SAPCD2: variants seen among roughly 807,000 people sequenced by gnomAD.
The protein encoded by SAPCD2 is suppressor APC domain-containing protein 2.
Under a neutral mutation model 37.8 loss-of-function variants are expected in SAPCD2, and 34 were observed. The ratio of observed to expected loss-of-function variants is 0.90; its 90% confidence interval spans 0.68 to 1.20. SAPCD2 has a LOEUF of 1.20. Among genes scored for constraint, SAPCD2 ranks in the 50% most tolerant of loss-of-function variants. SAPCD2 has a pLI of 0.00. For synonymous variants in SAPCD2, 275 were observed against 270.3 expected, an observed-to-expected ratio of 1.02 and a Z score of -0.17; for missense variants, 572 against 584.7, an observed-to-expected ratio of 0.98 and a Z score of 0.22.
chr9:137,069,631 C>T (rs183076436), intron 1 of SAPCD2, among the ~76,000 whole-genome samples: 1 of 152,334 alleles, frequency 6.6e-6, no homozygotes, highest in African/African-American at 2.4e-5. Flanking sequence ...CCTGCCACCC[C>T]CCGGCCCTGG....
At chr9:137,068,098 G>A (rs1174390509) in intron 1 of SAPCD2, among the ~76,000 whole-genome samples, 1 of 152,222 alleles carries the variant, frequency 6.6e-6, no homozygotes, top group Non-Finnish European at 1.5e-5. Context: ...CAGGAGTCAG[G>A]GAGTGATGCA....
rs1250859965 is a variant in SAPCD2, at chr9:137,063,554, G to T, written c.*1105C>A. The T allele has an allele frequency of 6.6e-6, 1 of 152,088 alleles. No homozygotes were observed. The highest frequency in any genetic ancestry group is 3.1e-3 in the Middle Eastern group (1 of 318). 9.4% of individuals were successfully genotyped at this position (152,088 alleles called of 1,614,324 possible). On this transcript the variant is annotated 3_prime_UTR_variant, in exon 6 of 6. Coordinates refer to ENST00000409687, the MANE Select transcript of SAPCD2 (RefSeq NM_178448.4). ...CCCACGCACTGACCCCGCATCGGGG[G>T]CCCTGGGCTGCAGAACCCATCGATG... is the stretch of plus-strand genomic sequence containing the variant.
chr9:137,066,365 G>T lies in SAPCD2; in HGVS notation c.581C>A (p.Ala194Glu). ...TGAGTCCGCCTCCAGGGCCCTGCAC[G>T]CCACTGCACCTGTTATGGAGAGGCA... ...PSSSADAGAV[A>E]CRALEADSGD... is the part of the protein sequence containing the mutation. Residue 194 changes from alanine (A) to glutamate (E), a missense_variant, in exon 2 of 6, where the codon GCG (alanine) becomes GAG (glutamate). By Grantham distance (107) the Ala-to-Glu change is moderately radical. Coordinates refer to ENST00000409687, the MANE Select transcript of SAPCD2 (RefSeq NM_178448.4). 1 of 1,602,264 alleles carries T rather than the reference G, an allele frequency of 6.2e-7. No individual in the cohort carries two copies. The highest frequency in any genetic ancestry group is 8.5e-7 in the Non-Finnish European group (1 of 1,174,810).
chr9:137,069,226 A>T (rs1001155899), intron 1 of SAPCD2, among the ~76,000 whole-genome samples: 1 of 152,236 alleles, frequency 6.6e-6, no homozygotes, highest in Non-Finnish European at 1.5e-5. Flanking sequence ...ATCACTGCCA[A>T]CTGGACCGGA....
chr9:137,067,345 C>T (rs901007355), intron 1 of SAPCD2, among the ~76,000 whole-genome samples: 1 of 151,968 alleles, frequency 6.6e-6, no homozygotes, highest in Admixed American at 6.6e-5. Context: ...GTGGCATGCA[C>T]CTGTGGTCCC....
Position 137,070,007 on chromosome 9 carries a change from T to C in SAPCD2, c.454A>G (p.Ser152Gly). The C allele has an allele frequency of 3.3e-6, 4 of 1,215,672 alleles. No individual in the cohort carries two copies. The highest frequency in any genetic ancestry group is 4.1e-6 in the Non-Finnish European group (4 of 978,002). The allele number at this position is 1,215,672 out of a possible 1,614,324, so 75.3% of individuals were successfully genotyped here. Residue 152 changes from serine (S) to glycine (G), a missense_variant, in exon 1 of 6, where the codon AGC (serine) becomes GGC (glycine). Physicochemically the swap from Ser to Gly is moderately conservative, Grantham distance 56 (BLOSUM62 0). Coordinates refer to ENST00000409687, the MANE Select transcript of SAPCD2 (RefSeq NM_178448.4). ...TGCTCCGGGCTGCGGGCGGCGGCGC[T>C]GGGACCGGCCAGAGGGGCGCGCACG... ...LGVRAPLAGP[S>G]AAARSPEQLC...
At chr9:137,067,970 C>T (rs1832574112) in intron 1 of SAPCD2, among the ~76,000 whole-genome samples, 2 of 152,020 alleles carry the variant, frequency 1.3e-5, no homozygotes, top group Non-Finnish European at 2.9e-5. Context: ...GGAGTAGGTG[C>T]ACCTCCCCAG....
Position 137,070,242 on chromosome 9 carries a change from G to A in SAPCD2, c.219C>T (p.Arg73=). The change falls in exon 1 of 6, where the codon CGC becomes CGT. Residue 73 remains arginine, a synonymous_variant. Coordinates refer to ENST00000409687, the MANE Select transcript of SAPCD2 (RefSeq NM_178448.4). ...GGTAGCCGCTGGCCGGGGCCACCTG[G>A]CGCAAGCCCTCCAGCACCCCGCGGG... ...ELPRGVLEGL[R]QVAPASGYLT... 1 of 1,420,006 alleles carries A rather than the reference G, an allele frequency of 7.0e-7. No individual in the cohort carries two copies. Among genetic ancestry groups the A allele is most frequent in the Non-Finnish European group, 9.2e-7 (1 of 1,083,700 alleles). The allele number at this position is 1,420,006 out of a possible 1,614,324, so 88.0% of individuals were successfully genotyped here.
rs746046152 is a variant in SAPCD2, at chr9:137,064,674, A to T, written c.1170T>A (p.Asp390Glu). ...ALSQQDGGPL[D>E]STFI ...CCCACAAGGACTAGATGAAGGTGGA[A>T]TCCAGAGGTCCCCCGTCCTGCTGGC... Residue 390 changes from aspartate (D) to glutamate (E), a missense_variant, in exon 6 of 6, where the codon GAT becomes GAA. Transcript: ENST00000409687. 8 of 1,598,480 alleles carry T rather than the reference A, an allele frequency of 5.0e-6. No homozygotes were observed. The highest frequency in any genetic ancestry group is 6.0e-6 in the Non-Finnish European group (7 of 1,173,954).
rs1381492377 is a variant in SAPCD2 at position 137,065,538 on chromosome 9, T to C, written c.815A>G (p.Gln272Arg). ...GGCACTCACGGCGCTGGCTCTGCTC[T>C]GGCCCAGGCGGCGCTGGCGCTCCTG... ...RVQERQRRLG[Q>R]SRASADFGAA... is the part of the protein sequence containing the mutation. Residue 272 changes from glutamine to arginine, a missense_variant, in exon 3 of 6, where the codon CAG becomes CGG. Transcript: ENST00000409687. 8 of 1,604,770 alleles carry C rather than the reference T, an allele frequency of 5.0e-6. No individual in the cohort carries two copies. The highest frequency in any genetic ancestry group is 1.1e-5 in the South Asian group (1 of 90,750).
rs1832512362 is a variant in SAPCD2 at position 137,064,479 on chromosome 9, G to A, written c.*180C>T. The A allele has an allele frequency of 4.3e-6, 3 of 691,790 alleles. No individual in the cohort carries two copies. The highest frequency in any genetic ancestry group is 2.9e-5 in the Admixed American group (1 of 34,364). 42.9% of individuals were successfully genotyped at this position (691,790 alleles called of 1,614,324 possible). ...AACGGAGTCAAGCGCTCGGTGCGGG[G>A]ACCAGCCGGGGGCAGGCCTGGGGAG... On this transcript the variant is annotated 3_prime_UTR_variant, in exon 6 of 6. Transcript: ENST00000409687.
Position 137,064,978 on chromosome 9 carries a change from G to GC in SAPCD2, c.940dup (p.Ala314GlyfsTer46), listed in dbSNP as rs1564260316. On this transcript the variant is annotated frameshift_variant and splice_region_variant, in exon 5 of 6. Transcript: ENST00000409687. LOFTEE classifies it high-confidence loss of function. Reference sequence around the variant, plus strand: ...GGGCCCGGAGGAGGACGGGGGCAGGGCCTGCGGGAGGGCAGGATTAGGCAG... The same window carrying GC: ...GGGCCCGGAGGAGGACGGGGGCAGGGCCCTGCGGGAGGGCAGGATTAGGCAG... 6.6e-7 allele frequency: 1 copy of GC among 1,511,654 alleles called. No homozygotes were observed. The highest frequency in any genetic ancestry group is 2.0e-5 in the Admixed American group (1 of 50,696). The allele number at this position is 1,511,654 out of a possible 1,614,324, so 93.6% of individuals were successfully genotyped here.
At chr9:137,066,465 C>T (rs1588564503) in intron 1 of SAPCD2, 91 bp from the exon 2 acceptor site, 1 of 989,128 alleles carries the variant, frequency 1.0e-6, no homozygotes, top group Non-Finnish European at 1.5e-6. Flanking sequence ...TCAGCCCACC[C>T]TCGAGGTCTC....
intron 1 of SAPCD2, among the ~76,000 whole-genome samples, chr9:137,069,053 G>C (rs985104975): frequency 6.6e-6 from 1 of 152,254 alleles, no homozygotes; most frequent in African/African-American, 2.4e-5. Context: ...AGGAGCCACC[G>C]GTGGGCAGGC....
In SAPCD2 at chr9:137,064,559, G is replaced by T. The variant is rs1000805957; in HGVS notation, c.*100C>A. 42 of 1,405,030 alleles carry T rather than the reference G, an allele frequency of 3.0e-5. No individual in the cohort carries two copies. The highest frequency in any genetic ancestry group is 3.9e-5 in the Non-Finnish European group (40 of 1,024,682). The allele number at this position is 1,405,030 out of a possible 1,614,324, so 87.0% of individuals were successfully genotyped here. The stretch of plus-strand genomic sequence containing the variant: ...CCACTCCGGGACTGTGCCTGGGCCT[G>T]CCGGGGGTCTCCAGCCAGAGAGGGT... On this transcript the variant is annotated 3_prime_UTR_variant, in exon 6 of 6. Transcript: ENST00000409687.
In SAPCD2 at chr9:137,070,311, G is replaced by T; in HGVS notation, c.150C>A (p.Arg50=). The stretch of plus-strand genomic sequence containing the variant: ...TGCCCTGCCAGCGGGACTCGATCTC[G>T]CGCAGGTGCACGCAGCCGCGCCGCC... The part of the protein sequence containing the change: ...DDRRRGCVHL[R]EIESRWQGTD... Residue 50 remains arginine (R), a synonymous_variant, in exon 1 of 6, where the codon CGC becomes CGA. Coordinates refer to ENST00000409687, the MANE Select transcript of SAPCD2 (RefSeq NM_178448.4). 2.7e-6 allele frequency: 4 copies of T among 1,482,962 alleles called. No homozygotes were observed. The highest frequency in any genetic ancestry group is 3.6e-6 in the Non-Finnish European group (4 of 1,120,544). 91.9% of individuals were successfully genotyped at this position (1,482,962 alleles called of 1,614,324 possible). A position where few individuals can be genotyped will look rare whatever the true frequency, so the allele number is the denominator to read the frequency against.
At position 137,062,506 on chromosome 9, in the gene SAPCD2, G is replaced by A. The variant is rs1374606240; in HGVS notation, c.*2153C>T. 4 of 152,166 alleles carry A rather than the reference G, an allele frequency of 2.6e-5. No individual in the cohort carries two copies. Among genetic ancestry groups the A allele is most frequent in the Non-Finnish European group, 4.4e-5 (3 of 68,038 alleles). The allele number at this position is 152,166 out of a possible 1,614,324, so 9.4% of individuals were successfully genotyped here. On this transcript the variant is annotated 3_prime_UTR_variant, in exon 6 of 6. Transcript: ENST00000409687. ...CCTCTGGGGCAGATTCTCAACTGGG[G>A]ACACTTCTGCCCCCAAGGACACATT...
intron 1 of SAPCD2, among the ~76,000 whole-genome samples, chr9:137,067,925 G>T (rs1451059697): frequency 6.6e-6 from 1 of 152,018 alleles, no homozygotes; most frequent in Non-Finnish European, 1.5e-5. Flanking sequence ...CAAGAGTATC[G>T]CGTTGGTGCC....
In SAPCD2 at chr9:137,070,488, A is replaced by G. The variant is rs1018384836; in HGVS notation, c.-28T>C. ...GCGCCCGGGATCGGTCCCCTCGTCCACCCGCGTGCGTCCCAGCGCGGCCCC... is the reference window on the plus strand; with the variant it reads ...GCGCCCGGGATCGGTCCCCTCGTCCGCCCGCGTGCGTCCCAGCGCGGCCCC... On this transcript the variant is annotated 5_prime_UTR_variant, in exon 1 of 6. Coordinates refer to ENST00000409687, the MANE Select transcript of SAPCD2 (RefSeq NM_178448.4). 2.5e-5 allele frequency: 30 copies of G among 1,200,598 alleles called. No individual in the cohort carries two copies. Among genetic ancestry groups the G allele is most frequent in the Admixed American group, 4.4e-5 (1 of 22,622 alleles). The allele number at this position is 1,200,598 out of a possible 1,614,324, so 74.4% of individuals were successfully genotyped here.
Sources: allele counts gnomAD v4.1 joint callset (sites outside exome capture counted in the v4.1 genomes callset), GRCh38; gene constraint gnomAD v4.1.1; transcripts MANE v1.5; gene names NCBI Gene and HGNC (gene_info 2026-07-23, HGNC 2026-07-21).